TET3: variants seen among roughly 807,000 people sequenced by gnomAD.
The protein encoded by TET3 is tet methylcytosine dioxygenase 3, also known as methylcytosine dioxygenase TET3.
TET3 carries 19 observed loss-of-function variants against 141.4 expected under a neutral mutation model. That is an observed-to-expected ratio of 0.13 (90% CI 0.09 to 0.20). The LOEUF (loss-of-function observed/expected upper bound fraction) is 0.20. Among genes scored for constraint, TET3 ranks in the 10% least tolerant of loss-of-function variants. The probability of loss-of-function intolerance (pLI) is 1.00; values close to 1 mark genes in which losing one functional copy is unlikely to be tolerated. For missense variants in TET3, 1,874 were observed against 2,356.9 expected, an observed-to-expected ratio of 0.80 and a Z score of 4.24; for synonymous variants, 1,043 against 980.9, an observed-to-expected ratio of 1.06 and a Z score of -1.18.
intron 3 of TET3, among the ~76,000 whole-genome samples, chr2:74,006,731 G>A (rs1685170236): frequency 6.6e-6 from 1 of 152,174 alleles, no homozygotes; most frequent in Non-Finnish European, 1.5e-5. Flanking sequence ...TCAGCTTTTG[G>A]GTCTCACAAT....
intron 3 of TET3, among the ~76,000 whole-genome samples, chr2:74,005,144 G>A (rs13391252): frequency 0.12 from 17,542 of 152,164 alleles, 1,110 homozygotes; most frequent in African/African-American, 0.14. Flanking sequence ...TGTGTTCTCC[G>A]TGTCTCCCTG....
chr2:74,090,960 A>G (rs1690459753), intron 8 of TET3, among the ~76,000 whole-genome samples: 1 of 152,132 alleles, frequency 6.6e-6, no homozygotes, highest in Non-Finnish European at 1.5e-5. Context: ...CCAAGCTCCT[A>G]GTACCAGAAG....
At position 74,046,962 on chromosome 2, in the gene TET3, G is replaced by A. The variant is rs1276262299; in HGVS notation, c.1045G>A (p.Glu349Lys). The change falls in exon 4 of 12, where the codon GAA becomes AAA. Residue 349 changes from glutamate (E) to lysine (K), a missense_variant. Transcript: ENST00000409262. This position sits in a 1 kb window ranked among gnomAD's most constrained non-coding sequence, Gnocchi z 4.3. ...CCAGAGTGCCCTGAGCATTGCCAAG[G>A]AAAAAAACATCAGCTTGCAGACCGC... ...LSQSALSIAK[E>K]KNISLQTAIA... The A allele has an allele frequency of 6.2e-7, 1 of 1,613,716 alleles. No individual in the cohort carries two copies. Among genetic ancestry groups the A allele is most frequent in the African/African-American group, 1.3e-5 (1 of 74,894 alleles).
chr2:74,001,483 C>T (rs1200874175), intron 2 of TET3, among the ~76,000 whole-genome samples: 1 of 152,156 alleles, frequency 6.6e-6, no homozygotes, highest in East Asian at 1.9e-4. Flanking sequence ...ATTTGTAGTT[C>T]AGTTTTATAA....
rs1386679463 is a variant in TET3 at position 74,092,836 on chromosome 2, A to G, written c.3040-66A>G. 1.1e-5 allele frequency: 15 copies of G among 1,395,730 alleles called. No individual in the cohort carries two copies. In the South Asian group the frequency reaches 1.1e-4, roughly 10 times the overall value. The allele number at this position is 1,395,730 out of a possible 1,614,324, so 86.5% of individuals were successfully genotyped here. ...CACGATGCTTCAGGAATGCCAGTCC[A>G]CTTCCAGGGTGCAGGGTCTGCCAGG... On this transcript the variant is annotated intron_variant, in intron 8 of 11. Coordinates refer to ENST00000409262, the MANE Select transcript of TET3 (RefSeq NM_001287491.2).
In TET3 at chr2:74,107,861, T is replaced by G. The variant is rs915916847; in HGVS notation, c.*5685T>G. 6.6e-6 allele frequency: 1 copy of G among 152,328 alleles called. No homozygotes were observed. Among genetic ancestry groups the G allele is most frequent in the African/African-American group, 2.4e-5 (1 of 41,448 alleles). The allele number at this position is 152,328 out of a possible 1,614,324, so 9.4% of individuals were successfully genotyped here. ...TGTCTCAAGGCAATAGGATGTGTAT[T>G]AAACTGTAGATATTCTTAGTACAGT... is the stretch of plus-strand genomic sequence containing the variant. On this transcript the variant is annotated 3_prime_UTR_variant, in exon 12 of 12. Coordinates refer to ENST00000409262, the MANE Select transcript of TET3 (RefSeq NM_001287491.2).
At chr2:74,111,174 C>A (rs925743967), downstream of TET3, among the ~76,000 whole-genome samples, 1 of 152,122 alleles carries the variant, frequency 6.6e-6, no homozygotes, top group Admixed American at 6.5e-5. Context: ...TTTGTGACCT[C>A]TTGTCCTTTA....
At chr2:74,013,921 A>G (rs936659022) in intron 3 of TET3, among the ~76,000 whole-genome samples, 6 of 152,108 alleles carry the variant, frequency 3.9e-5, no homozygotes, top group African/African-American at 1.4e-4. Context: ...TTTACTTTGT[A>G]TTTTCCATAG....
chr2:74,111,960 C>A (rs1326761192), downstream of TET3, among the ~76,000 whole-genome samples: 1 of 152,124 alleles, frequency 6.6e-6, no homozygotes, highest in East Asian at 1.9e-4. Flanking sequence ...CAAAGTGGCT[C>A]CACAGGAAGA....
chr2:74,050,516 T>G lies in TET3; in HGVS notation c.2494+2105T>G, dbSNP rs1687887854. On this transcript the variant is annotated intron_variant, in intron 4 of 11. Coordinates refer to ENST00000409262, the MANE Select transcript of TET3 (RefSeq NM_001287491.2). ...GTATAACTACCAATAAGGATAAAAT[T>G]AAGAGAAATGGTTCATCACTGAAGG... 4.6e-5 allele frequency among the ~76,000 whole-genome samples: 7 copies of G among 152,274 alleles called. 1 individual carries two copies. The South Asian group carries it at 1.5e-3, about 32-fold the overall frequency.
chr2:74,131,398 C>CATTCACTCACCTT, the TET3 span, among the ~76,000 whole-genome samples: 25 of 152,180 alleles, frequency 1.6e-4, no homozygotes, highest in Admixed American at 1.6e-3. Context: ...CTCCGCGGGT[C>CATTCACTCACCTT]ATTCACTCAC....
intron 4 of TET3, among the ~76,000 whole-genome samples, chr2:74,051,128 T>G (rs941653624): frequency 6.6e-6 from 1 of 152,194 alleles, no homozygotes; most frequent in East Asian, 1.9e-4. Flanking sequence ...AAGCACAGTC[T>G]TGGGGCAGAA....
At position 74,088,028 on chromosome 2, in the gene TET3, C is replaced by T. The variant is rs968928980; in HGVS notation, c.2878C>T (p.Leu960Phe). The T allele has an allele frequency of 3.2e-6, 5 of 1,558,820 alleles. No homozygotes were observed. The African/African-American group carries it at 4.1e-5, about 13-fold the overall frequency. ...YGNPTSRRCGLNDDRTCACQG... is the reference protein window; with the variant it reads ...YGNPTSRRCGFNDDRTCACQG... ...GAACCCCACCAGCCGGAGATGCGGC[C>T]TCAACGATGAGTATGTAGCAGAGGG... is the stretch of plus-strand genomic sequence containing the variant. The change falls in exon 7 of 12, where the codon CTC (leucine) becomes TTC (phenylalanine). Residue 960 changes from leucine (L) to phenylalanine (F), a missense_variant. Physicochemically the swap from Leu to Phe is conservative, Grantham distance 22. Coordinates refer to ENST00000409262, the MANE Select transcript of TET3 (RefSeq NM_001287491.2).
chr2:74,000,532 G>A (rs1684793979), intron 2 of TET3, among the ~76,000 whole-genome samples: 1 of 152,136 alleles, frequency 6.6e-6, no homozygotes, highest in Non-Finnish European at 1.5e-5. Context: ...AGCTTGCCAG[G>A]TCGGGGGAGG....
At chr2:73,990,850 G>A (rs1306584400) in intron 2 of TET3, among the ~76,000 whole-genome samples, 1 of 152,212 alleles carries the variant, frequency 6.6e-6, no homozygotes, top group Non-Finnish European at 1.5e-5. Context: ...GGAGAGGAAT[G>A]TGTTCAGGCT....
intron 4 of TET3, among the ~76,000 whole-genome samples, chr2:74,063,893 C>CAAA (rs70965781): frequency 0.33 from 35,267 of 105,978 alleles, 4,813 homozygotes; most frequent in Non-Finnish European, 0.4. Flanking sequence ...TCTCTGCAGA[C>CAAA]AAAAAAAAAA....
chr2:74,069,729 G>A (rs1408057636), intron 4 of TET3, among the ~76,000 whole-genome samples: 2 of 151,994 alleles, frequency 1.3e-5, no homozygotes, highest in African/African-American at 4.8e-5. Context: ...TGGGACTATA[G>A]GCACATACCA....
intron 10 of TET3, among the ~76,000 whole-genome samples, chr2:74,097,776 G>T (rs1362069114): frequency 2.0e-5 from 3 of 152,182 alleles, no homozygotes; most frequent in Non-Finnish European, 2.9e-5. Context: ...GGAAATATTG[G>T]TTTGGTGTGT....
chr2:74,003,431 T>G (rs1184707209), intron 3 of TET3, among the ~76,000 whole-genome samples: 1 of 150,596 alleles, frequency 6.6e-6, no homozygotes, highest in Non-Finnish European at 1.5e-5. Context: ...ACTGTTTTTT[T>G]TTTTTTTTTC....
Sources: allele counts gnomAD v4.1 joint callset (sites outside exome capture counted in the v4.1 genomes callset), GRCh38; gene constraint gnomAD v4.1.1; non-coding constraint Gnocchi (gnomAD v3.1); transcripts MANE v1.5; gene names NCBI Gene and HGNC (gene_info 2026-07-23, HGNC 2026-07-21).